ULK2: variants seen among roughly 807,000 people sequenced by gnomAD.
ULK2 encodes the protein serine/threonine-protein kinase ULK2.
A neutral mutation model predicts 127.5 loss-of-function variants in ULK2; 76 were observed. The observed-to-expected ratio is 0.60, with a 90% CI of 0.50 to 0.72. ULK2 has a LOEUF of 0.72. Ranked by LOEUF, ULK2 falls within the 30% of genes least tolerant of loss-of-function variation. The probability of loss-of-function intolerance (pLI) is 0.00; values close to 1 mark genes in which losing one functional copy is unlikely to be tolerated. For synonymous variants in ULK2, 452 were observed against 461.9 expected, an observed-to-expected ratio of 0.98 and a Z score of 0.28; for missense variants, 1,144 against 1,295.9, an observed-to-expected ratio of 0.88 and a Z score of 1.80.
intron 12 of ULK2, among the ~76,000 whole-genome samples, chr17:19,822,261 A>G (rs1240828194): frequency 6.6e-6 from 1 of 152,096 alleles, no homozygotes; most frequent in Non-Finnish European, 1.5e-5. Flanking sequence ...GCTGGATTAC[A>G]GGCGTGAGCC....
At chr17:19,841,666 G>A (rs1409557150) in intron 8 of ULK2, 119 bp from the exon 9 acceptor site, 1 of 688,564 alleles carries the variant, frequency 1.5e-6, no homozygotes, top group Non-Finnish European at 2.3e-6. Context: ...TTCAAGGAAG[G>A]GACTGCTGAC....
In ULK2 at chr17:19,799,576, C is replaced by G; in HGVS notation, c.1442-1G>C. The G allele has an allele frequency of 9.4e-7, 1 of 1,063,964 alleles. No homozygotes were observed. The highest frequency in any genetic ancestry group is 1.2e-6 in the Non-Finnish European group (1 of 823,636). 65.9% of individuals were successfully genotyped at this position (1,063,964 alleles called of 1,614,324 possible). A position where few individuals can be genotyped will look rare whatever the true frequency, so the allele number is the denominator to read the frequency against. The stretch of plus-strand genomic sequence containing the variant: ...CTGAATTGCTCAGGAATGGTACCAA[C>G]TACAAAAAAAAAAAAAAAAAAGATG... On this transcript the variant is annotated splice_acceptor_variant, in intron 16 of 26. Coordinates refer to ENST00000395544, the MANE Select transcript of ULK2 (RefSeq NM_014683.4). LOFTEE classifies it high-confidence loss of function.
chr17:19,847,033 T>A, intron 5 of ULK2, 123 bp from the exon 6 acceptor site: 1 of 896,072 alleles, frequency 1.1e-6, no homozygotes, highest in Non-Finnish European at 1.6e-6. Flanking sequence ...GGATTCACAT[T>A]TATTTATTTT....
rs141273478 is a variant in ULK2 at position 19,773,417 on chromosome 17, G to A, written c.*2932C>T. 1.9e-4 allele frequency: 29 copies of A among 152,104 alleles called. 1 individual carries two copies. Among genetic ancestry groups the A allele is most frequent in the African/African-American group, 5.6e-4 (23 of 41,424 alleles). 9.4% of individuals were successfully genotyped at this position (152,104 alleles called of 1,614,324 possible). A position where few individuals can be genotyped will look rare whatever the true frequency, so the allele number is the denominator to read the frequency against. ...ATCCTCTCCTCTCAAGCTCCTGGAC[G>A]GGACTCTAGTGAGGGCAGAACTGCT... On this transcript the variant is annotated 3_prime_UTR_variant, in exon 27 of 27. Transcript: ENST00000395544.
At chr17:19,786,915 A>C (rs771159480) in intron 20 of ULK2, among the ~76,000 whole-genome samples, 1 of 152,164 alleles carries the variant, frequency 6.6e-6, no homozygotes, top group Non-Finnish European at 1.5e-5. Context: ...TCTTCTGTTA[A>C]CTGATTTTAA....
Position 19,842,012 on chromosome 17 carries a change from C to T in ULK2, c.646-465G>A, listed in dbSNP as rs930182679. Among the ~76,000 whole-genome samples the T allele has an allele frequency of 1.4e-4, 21 of 151,934 alleles. 1 individual carries two copies. Among genetic ancestry groups the T allele is most frequent in the Non-Finnish European group, 5.9e-5 (4 of 67,994 alleles). On this transcript the variant is annotated intron_variant, in intron 8 of 26. Transcript: ENST00000395544. ...TTGGGTAAAATTCAGGTGTACTTTA[C>T]CTTAGGACCCTAAAGGAATTCAAAG... is the stretch of plus-strand genomic sequence containing the variant.
intron 10 of ULK2, among the ~76,000 whole-genome samples, chr17:19,832,492 G>T (rs2041482962): frequency 1.3e-5 from 2 of 152,060 alleles, no homozygotes; most frequent in African/African-American, 4.8e-5. Flanking sequence ...TCAAACACCT[G>T]AGTTTAACTG....
At chr17:19,781,401 C>A (rs531131489) in intron 23 of ULK2, among the ~76,000 whole-genome samples, 1 of 152,054 alleles carries the variant, frequency 6.6e-6, no homozygotes, top group Non-Finnish European at 1.5e-5. Flanking sequence ...GGACGCACCA[C>A]CATGCCCGGC....
rs374527362 is a variant in ULK2, at chr17:19,783,826, G to A, written c.2331C>T (p.Phe777=). The change falls in exon 22 of 27, where the codon TTC becomes TTT. Residue 777 remains phenylalanine, a synonymous_variant. Transcript: ENST00000395544. ...CCTCTGCTCCTGGAGGGGAAGAGCCGAAGCCTGGGCCAGGCGGGGACCCCA... is the reference window on the plus strand; with the variant it reads ...CCTCTGCTCCTGGAGGGGAAGAGCCAAAGCCTGGGCCAGGCGGGGACCCCA... ...VCVGSPPGPG[F]GSSPPGAEAA... is the part of the protein sequence containing the mutation. 151 of 1,601,290 alleles carry A rather than the reference G, an allele frequency of 9.4e-5. No homozygotes were observed. Among genetic ancestry groups the A allele is most frequent in the Non-Finnish European group, 1.2e-4 (138 of 1,173,850 alleles).
chr17:19,789,910 C>CAA (rs34932017), intron 20 of ULK2, among the ~76,000 whole-genome samples: 13 of 57,670 alleles, frequency 2.3e-4, no homozygotes, highest in Non-Finnish European at 2.6e-4. Flanking sequence ...AAAAAGCTGC[C>CAA]AAAAAAAAAA....
At chr17:19,778,320 C>T (rs1245174631) in intron 25 of ULK2, among the ~76,000 whole-genome samples, 1 of 152,142 alleles carries the variant, frequency 6.6e-6, no homozygotes, top group African/African-American at 2.4e-5. Context: ...CTGGATGATA[C>T]GGAATACATA....
At chr17:19,793,909 A>C (rs1231415754) in intron 20 of ULK2, among the ~76,000 whole-genome samples, 5 of 152,270 alleles carry the variant, frequency 3.3e-5, no homozygotes, top group Non-Finnish European at 7.3e-5. Flanking sequence ...GAATTGTTTA[A>C]TACCACACTG....
intron 3 of ULK2, among the ~76,000 whole-genome samples, chr17:19,856,612 C>T (rs1198143861): frequency 6.6e-6 from 1 of 150,912 alleles, no homozygotes; most frequent in Non-Finnish European, 1.5e-5. Context: ...TTGAAATTCA[C>T]GTTATGACAT....
At chr17:19,814,440 T>TATATATATATATATACACATATATA (rs1567696572) in intron 13 of ULK2, among the ~76,000 whole-genome samples, 3 of 7,076 alleles carry the variant, frequency 4.2e-4, no homozygotes, top group African/African-American at 1.1e-3. Context: ...ATATATATAT[T>TATATATATATATATACACATATATA]TTTTTTTTTT....
At chr17:19,826,215 TAAAG>T (rs1314878331) in intron 10 of ULK2, 29 bp from the exon 11 acceptor site, 1 of 1,339,464 alleles carries the variant, frequency 7.5e-7, no homozygotes, top group Non-Finnish European at 1.0e-6. Flanking sequence ...ATGCAACCTT[TAAAG>T]AGACATTGAC....
intron 20 of ULK2, among the ~76,000 whole-genome samples, chr17:19,794,409 A>T (rs2087220722): frequency 6.6e-6 from 1 of 152,144 alleles, no homozygotes; most frequent in African/African-American, 2.4e-5. Flanking sequence ...ACAGAACAAA[A>T]CCACGGACCT....
chr17:19,851,472 T>C (rs1310923943), intron 3 of ULK2, among the ~76,000 whole-genome samples: 5 of 151,000 alleles, frequency 3.3e-5, no homozygotes, highest in Non-Finnish European at 5.9e-5. Context: ...ACCCCATCTC[T>C]ACTAAAAATA....
At chr17:19,855,363 C>T (rs566153486) in intron 3 of ULK2, among the ~76,000 whole-genome samples, 57 of 151,558 alleles carry the variant, frequency 3.8e-4, no homozygotes, top group African/African-American at 1.3e-3. Flanking sequence ...GAGATCGCGC[C>T]ACTGCACTCC....
chr17:19,787,740 A>G (rs921741429), intron 20 of ULK2, among the ~76,000 whole-genome samples: 2 of 152,374 alleles, frequency 1.3e-5, no homozygotes, highest in East Asian at 1.9e-4. Flanking sequence ...AAGCACCTTC[A>G]TAAGAACCAA....
Sources: allele counts gnomAD v4.1 joint callset (sites outside exome capture counted in the v4.1 genomes callset), GRCh38; gene constraint gnomAD v4.1.1; transcripts MANE v1.5; gene names NCBI Gene and HGNC (gene_info 2026-07-23, HGNC 2026-07-21).